Variants in EMP1 observed in about 807,000 individuals in gnomAD.
EMP1 encodes the protein epithelial membrane protein 1.
A neutral mutation model predicts 15.7 loss-of-function variants in EMP1; 5 were observed. The observed-to-expected ratio is 0.32, with a 90% CI of 0.17 to 0.67. EMP1 has a LOEUF of 0.67. EMP1 is among the 30% of genes least tolerant of loss of function. EMP1 has a pLI of 0.74. For missense variants in EMP1, 166 were observed against 194.2 expected (o/e 0.85, Z 0.86); for synonymous variants, 78 against 76.7 (o/e 1.02, Z -0.09).
chr12:13,218,535 G>A lies in EMP1; in HGVS notation c.*3844G>A, dbSNP rs376896123. 14 of 152,144 alleles carry A rather than the reference G, an allele frequency of 9.2e-5. No individual in the cohort carries two copies. Among genetic ancestry groups the A allele is most frequent in the African/African-American group, 3.4e-4 (14 of 41,420 alleles). 9.4% of individuals were successfully genotyped at this position (152,144 alleles called of 1,614,324 possible). ...GAAATTTTGGAGTAGATTGTGAGGA[G>A]GGGTGACTCACTTTAAAGATGTATC... On this transcript the variant is annotated 3_prime_UTR_variant, in exon 5 of 5. Transcript: ENST00000256951.
At chr12:13,198,257 T>TTTTTTTTC (rs556702512) in intron 1 of EMP1, among the ~76,000 whole-genome samples, 1 of 152,138 alleles carries the variant, frequency 6.6e-6, no homozygotes, top group Non-Finnish European at 1.5e-5. Context: ...GTGCTTTTTC[T>TTTTTTTTC]TTTTTTTCTT....
rs181896565 is a variant in EMP1 at position 13,218,411 on chromosome 12, A to T, written c.*3720A>T. The T allele has an allele frequency of 9.2e-5, 14 of 152,234 alleles. No homozygotes were observed. Among genetic ancestry groups the T allele is most frequent in the African/African-American group, 3.1e-4 (13 of 41,454 alleles). 9.4% of individuals were successfully genotyped at this position (152,234 alleles called of 1,614,324 possible). ...GTATAGATGAAATGTCCTAGCGAAAATGTTTAAATGTATTTAAAGAAGAGC... is the reference window on the plus strand; with the variant it reads ...GTATAGATGAAATGTCCTAGCGAAATTGTTTAAATGTATTTAAAGAAGAGC... On this transcript the variant is annotated 3_prime_UTR_variant, in exon 5 of 5. Coordinates refer to ENST00000256951, the MANE Select transcript of EMP1 (RefSeq NM_001423.3).
At chr12:13,209,421 A>G (rs965439965) in intron 1 of EMP1, 3 of 152,186 alleles carry the variant, frequency 2.0e-5, no homozygotes, top group Non-Finnish European at 4.4e-5. Flanking sequence ...AAAGGATTGT[A>G]TACACCCTGC....
At chr12:13,197,162 G>A (rs1591703813) in intron 1 of EMP1, among the ~76,000 whole-genome samples, 5 of 152,160 alleles carry the variant, frequency 3.3e-5, no homozygotes, top group African/African-American at 1.2e-4. Flanking sequence ...CTAGGATGTG[G>A]AGGGAGCAGG....
chr12:13,213,694 A>G lies in EMP1; in HGVS notation c.189A>G (p.Thr63=). ...LSYASEDALK[T]VQAFMILSII... ...CTGTGTCTACAGATGCCCTCAAGAC[A>G]GTGCAGGCCTTCATGATTCTCTCTA... Residue 63 remains threonine, a synonymous_variant, in exon 4 of 5, where the codon ACA becomes ACG. Coordinates refer to ENST00000256951, the MANE Select transcript of EMP1 (RefSeq NM_001423.3). 2 of 1,614,166 alleles carry G rather than the reference A, an allele frequency of 1.2e-6. No individual in the cohort carries two copies. Among genetic ancestry groups the G allele is most frequent in the South Asian group, 1.1e-5 (1 of 91,084 alleles).
chr12:13,209,573 C>A lies in EMP1; in HGVS notation c.-42-1896C>A, dbSNP rs542031476. On this transcript the variant is annotated intron_variant, in intron 1 of 4. Coordinates refer to ENST00000256951, the MANE Select transcript of EMP1 (RefSeq NM_001423.3). ...ATAATAATAACCGCAGCTAAAGCAA[C>A]CCCATTATTAGTAGCTGCCATGTGT... 20 of 152,086 alleles carry A rather than the reference C, an allele frequency of 1.3e-4. 1 individual carries two copies. The highest frequency in any genetic ancestry group is 2.1e-4 in the South Asian group (1 of 4,828). 9.4% of individuals were successfully genotyped at this position (152,086 alleles called of 1,614,324 possible).
intron 1 of EMP1, among the ~76,000 whole-genome samples, chr12:13,203,158 C>T (rs560389173): frequency 3.2e-4 from 48 of 152,226 alleles, no homozygotes; most frequent in African/African-American, 1.0e-3. Context: ...AGCATGTTGC[C>T]GCCATCTACT....
At chr12:13,213,004 C>CA (rs1219623759) in intron 2 of EMP1, among the ~76,000 whole-genome samples, 15 of 152,220 alleles carry the variant, frequency 9.9e-5, no homozygotes, top group Admixed American at 9.2e-4. Flanking sequence ...CCACTAGATT[C>CA]ATTGTTATTT....
rs557143202 is a variant in EMP1 at position 13,203,524 on chromosome 12, C to T, written c.-43+6652C>T. Among the ~76,000 whole-genome samples, 70 of 152,352 alleles carry T rather than the reference C, an allele frequency of 4.6e-4. 2 individuals are homozygous for T. In the South Asian group the frequency reaches 0.014, roughly 32 times the overall value. On this transcript the variant is annotated intron_variant, in intron 1 of 4. Coordinates refer to ENST00000256951, the MANE Select transcript of EMP1 (RefSeq NM_001423.3). ...GCATTTGCAAAAACAATATTCATGC[C>T]ACTTGTTTGCCTTTAGCATAATTGT...
chr12:13,210,692 C>T (rs897720453), intron 1 of EMP1, among the ~76,000 whole-genome samples: 1 of 152,206 alleles, frequency 6.6e-6, no homozygotes, highest in Non-Finnish European at 1.5e-5. Context: ...ACTTTTAAAG[C>T]CCCCAGAACC....
At chr12:13,201,676 G>A (rs1419169334) in intron 1 of EMP1, among the ~76,000 whole-genome samples, 1 of 152,166 alleles carries the variant, frequency 6.6e-6, no homozygotes, top group East Asian at 1.9e-4. Context: ...TAGGTATGGT[G>A]TTCCCCGGAC....
intron 1 of EMP1, among the ~76,000 whole-genome samples, chr12:13,208,285 G>A (rs1202921782): frequency 1.3e-5 from 2 of 152,092 alleles, no homozygotes; most frequent in Non-Finnish European, 2.9e-5. Context: ...TCAGGAGCAG[G>A]GGTTCTTCTG....
chr12:13,214,269 G>C, intron 4 of EMP1: 1 of 598,530 alleles, frequency 1.7e-6, no homozygotes, highest in Non-Finnish European at 2.9e-6. Flanking sequence ...GGACAGCTGG[G>C]TGGTAGGCAT....
Position 13,216,455 on chromosome 12 carries a change from C to T in EMP1, c.*1764C>T. 2 of 702,540 alleles carry T rather than the reference C, an allele frequency of 2.8e-6. No individual in the cohort carries two copies. The highest frequency in any genetic ancestry group is 2.6e-6 in the Non-Finnish European group (1 of 384,756). The allele number at this position is 702,540 out of a possible 1,614,324, so 43.5% of individuals were successfully genotyped here. On this transcript the variant is annotated 3_prime_UTR_variant, in exon 5 of 5. Coordinates refer to ENST00000256951, the MANE Select transcript of EMP1 (RefSeq NM_001423.3). ...AAAACTGTGGGAAGATGAACTTTGT[C>T]ATTATGATTTCATTATCACATGATT...
At chr12:13,208,040 C>T (rs1864129982) in intron 1 of EMP1, among the ~76,000 whole-genome samples, 2 of 152,324 alleles carry the variant, frequency 1.3e-5, no homozygotes, top group South Asian at 2.1e-4. Context: ...TAGGGGTATG[C>T]TTTCCACTGG....
rs1256476926 is a variant in EMP1 at position 13,218,788 on chromosome 12, T to C, written c.*4097T>C. 2 of 152,056 alleles carry C rather than the reference T, an allele frequency of 1.3e-5. No homozygotes were observed. The highest frequency in any genetic ancestry group is 2.4e-5 in the African/African-American group (1 of 41,374). The allele number at this position is 152,056 out of a possible 1,614,324, so 9.4% of individuals were successfully genotyped here. On this transcript the variant is annotated 3_prime_UTR_variant, in exon 5 of 5. Coordinates refer to ENST00000256951, the MANE Select transcript of EMP1 (RefSeq NM_001423.3). ...GTGCTGCACCTACATGCTGGGGAAA[T>C]AGAAAATGAAGCAGACATGTGTCCC...
chr12:13,214,413 A>G lies in EMP1; in HGVS notation c.317-121A>G. 4.3e-6 allele frequency: 6 copies of G among 1,410,942 alleles called. No homozygotes were observed. In the South Asian group the frequency reaches 6.9e-5, roughly 16 times the overall value. The allele number at this position is 1,410,942 out of a possible 1,614,324, so 87.4% of individuals were successfully genotyped here. A position where few individuals can be genotyped will look rare whatever the true frequency, so the allele number is the denominator to read the frequency against. On this transcript the variant is annotated intron_variant, in intron 4 of 4. Transcript: ENST00000256951. ...CCATCAGAACTCCTGTTTAGGGACAAACAAGCAGAATTCATTTTCCTATTG... is the reference window on the plus strand; with the variant it reads ...CCATCAGAACTCCTGTTTAGGGACAGACAAGCAGAATTCATTTTCCTATTG...
rs188602247 is a variant in EMP1 at position 13,203,292 on chromosome 12, A to C, written c.-43+6420A>C. Among the ~76,000 whole-genome samples the C allele has an allele frequency of 2.8e-3, 421 of 152,282 alleles. 1 individual carries two copies. Among genetic ancestry groups the C allele is most frequent in the African/African-American group, 9.4e-3 (392 of 41,552 alleles). On this transcript the variant is annotated intron_variant, in intron 1 of 4. Coordinates refer to ENST00000256951, the MANE Select transcript of EMP1 (RefSeq NM_001423.3). ...TGGCTGCCAGAACACTCGTTTGTCA[A>C]AAGCAGAAGGCAACTCACGCTTCCG...
intron 1 of EMP1, among the ~76,000 whole-genome samples, chr12:13,200,431 C>T (rs535018442): frequency 1.3e-5 from 2 of 152,304 alleles, no homozygotes; most frequent in Admixed American, 1.3e-4. Flanking sequence ...GAGCTCCTAA[C>T]CCTTAACCAG....
Sources: gnomAD v4.1 joint callset for allele counts (sites outside exome capture counted in the v4.1 genomes callset) on GRCh38, gnomAD v4.1.1 for gene constraint, MANE v1.5 for transcripts, NCBI Gene and HGNC (gene_info 2026-07-23, HGNC 2026-07-21) for gene names.